Variants in UBA3 observed in about 807,000 individuals in gnomAD.
The protein encoded by UBA3 is NEDD8-activating enzyme E1 catalytic subunit.
UBA3 carries 26 observed loss-of-function variants against 73.5 expected under a neutral mutation model. That is an observed-to-expected ratio of 0.35 (90% CI 0.26 to 0.49). The LOEUF is 0.49. Among genes scored for constraint, UBA3 ranks in the 20% least tolerant of loss-of-function variants. The pLI is 0.98. For synonymous variants in UBA3, 217 were observed against 191.2 expected (o/e 1.13, Z -1.11); for missense variants, 495 against 555.6 (o/e 0.89, Z 1.10).
rs2092201432 is a variant in UBA3 at position 69,079,736 on chromosome 3, A to C, written c.62+376T>G. Reference sequence around the variant, plus strand: ...TCTCAGTGTTTGCAAAAGGCCACAAAACGGTCTTGTGTCCTTTTCCTGTGT... The same window carrying C: ...TCTCAGTGTTTGCAAAAGGCCACAACACGGTCTTGTGTCCTTTTCCTGTGT... On this transcript the variant is annotated intron_variant, in intron 2 of 17. Coordinates refer to ENST00000361055, the MANE Select transcript of UBA3 (RefSeq NM_003968.4). 1.6e-5 allele frequency: 4 copies of C among 253,188 alleles called. No individual in the cohort carries two copies. In the South Asian group the frequency reaches 3.1e-4, roughly 19 times the overall value. 15.7% of individuals were successfully genotyped at this position (253,188 alleles called of 1,614,324 possible). A position where few individuals can be genotyped will look rare whatever the true frequency, so the allele number is the denominator to read the frequency against.
intron 4 of UBA3, among the ~76,000 whole-genome samples, chr3:69,073,046 G>C (rs2092134777): frequency 6.6e-6 from 1 of 152,104 alleles, no homozygotes; most frequent in Non-Finnish European, 1.5e-5. Flanking sequence ...AATCTAATTA[G>C]TCTCTCTGTT....
chr3:69,078,027 A>G (rs946043008), intron 2 of UBA3, 109 bp from the exon 3 acceptor site: 3 of 1,322,048 alleles, frequency 2.3e-6, no homozygotes, highest in Non-Finnish European at 3.0e-6. Context: ...GACCTGCTCA[A>G]ATAAAAAGGA....
chr3:69,078,193 T>C (rs1406544223), intron 2 of UBA3, among the ~76,000 whole-genome samples: 2 of 152,208 alleles, frequency 1.3e-5, no homozygotes, highest in South Asian at 2.1e-4. Flanking sequence ...CAATCCAAGG[T>C]TCAACTTAGG....
Position 69,063,518 on chromosome 3 carries a change from A to C in UBA3, c.473-15T>G, listed in dbSNP as rs967766851. The stretch of plus-strand genomic sequence containing the variant: ...AATATGAAATTCTACAAAAAAAAAA[A>C]AAAGCAACTTTAGTTTTTAAATATG... On this transcript the variant is annotated splice_polypyrimidine_tract_variant and intron_variant, in intron 7 of 17. Transcript: ENST00000361055. 1.3e-6 allele frequency: 2 copies of C among 1,561,612 alleles called. No homozygotes were observed. Among genetic ancestry groups the C allele is most frequent in the Non-Finnish European group, 1.7e-6 (2 of 1,164,158 alleles).
rs1012999095 is a variant in UBA3, at chr3:69,063,655, G to C, written c.473-152C>G. 6.3e-6 allele frequency: 4 copies of C among 639,830 alleles called. No homozygotes were observed. In the African/African-American group the frequency reaches 7.7e-5, roughly 12 times the overall value. The allele number at this position is 639,830 out of a possible 1,614,324, so 39.6% of individuals were successfully genotyped here. Reference sequence around the variant, plus strand: ...TGTTTGTGGGAACAGGAAGCTCTATGAGAACCCAAGTTTTCAAAAATTTTC... The same window carrying C: ...TGTTTGTGGGAACAGGAAGCTCTATCAGAACCCAAGTTTTCAAAAATTTTC... On this transcript the variant is annotated intron_variant, in intron 7 of 17. Coordinates refer to ENST00000361055, the MANE Select transcript of UBA3 (RefSeq NM_003968.4).
In UBA3 at chr3:69,062,186, C is replaced by T. The variant is rs751095069; in HGVS notation, c.694-7G>A. 2.5e-6 allele frequency: 4 copies of T among 1,576,320 alleles called. No homozygotes were observed. The highest frequency in any genetic ancestry group is 3.5e-6 in the Non-Finnish European group (4 of 1,147,580). ...TGCACATGGGAAAATTAACCTAAAA[C>T]CACAGTTTGTCCTTTTCAGTGAATT... On this transcript the variant is annotated splice_polypyrimidine_tract_variant and splice_region_variant and intron_variant, in intron 9 of 17. Coordinates refer to ENST00000361055, the MANE Select transcript of UBA3 (RefSeq NM_003968.4).
intron 17 of UBA3, 90 bp from the exon 18 acceptor site, chr3:69,055,615 C>G: frequency 9.9e-7 from 1 of 1,011,006 alleles, no homozygotes; most frequent in South Asian, 1.5e-5. Flanking sequence ...GTATTACGGT[C>G]TAGAAAAACA....
Position 69,055,289 on chromosome 3 carries a change from G to T in UBA3, c.*148C>A, listed in dbSNP as rs944437265. 4 of 471,028 alleles carry T rather than the reference G, an allele frequency of 8.5e-6. No individual in the cohort carries two copies. Among genetic ancestry groups the T allele is most frequent in the African/African-American group, 6.1e-5 (3 of 48,998 alleles). The allele number at this position is 471,028 out of a possible 1,614,324, so 29.2% of individuals were successfully genotyped here. On this transcript the variant is annotated 3_prime_UTR_variant, in exon 18 of 18. Transcript: ENST00000361055. ...CAACACCAAAATTCTGTCTTCAAGGGAAGGTTACAAAGTTAAAAAAGAGTG... is the reference window on the plus strand; with the variant it reads ...CAACACCAAAATTCTGTCTTCAAGGTAAGGTTACAAAGTTAAAAAAGAGTG...
At chr3:69,067,015 A>G (rs2107491666) in intron 6 of UBA3, among the ~76,000 whole-genome samples, 1 of 152,342 alleles carries the variant, frequency 6.6e-6, no homozygotes, top group East Asian at 1.9e-4. Flanking sequence ...GAATTTGGAT[A>G]GTGATTCCTC....
chr3:69,076,115 A>T (rs904026996), intron 3 of UBA3, among the ~76,000 whole-genome samples: 2 of 152,182 alleles, frequency 1.3e-5, no homozygotes, highest in Non-Finnish European at 2.9e-5. Flanking sequence ...TTGTTTTTTA[A>T]TTTTTGCAAA....
At chr3:69,063,356 A>G (rs2092039570) in intron 8 of UBA3, 83 bp downstream of exon 8, 3 of 1,432,632 alleles carry the variant, frequency 2.1e-6, no homozygotes, top group Non-Finnish European at 2.9e-6. Flanking sequence ...CTGATTTTTC[A>G]AAAATATATC....
chr3:69,056,082 G>A lies in UBA3; in HGVS notation c.1185-19C>T, dbSNP rs1462050287. 2 of 1,583,702 alleles carry A rather than the reference G, an allele frequency of 1.3e-6. No individual in the cohort carries two copies. Among genetic ancestry groups the A allele is most frequent in the African/African-American group, 2.7e-5 (2 of 72,882 alleles). ...CATTTGCCTAAAGATTATGATGAGA[G>A]AGAAGTATCAAACATAATTTTTATC... On this transcript the variant is annotated intron_variant, in intron 15 of 17. Transcript: ENST00000361055.
chr3:69,060,888 A>G (rs1258273026), intron 11 of UBA3, among the ~76,000 whole-genome samples: 2 of 152,146 alleles, frequency 1.3e-5, no homozygotes, highest in East Asian at 3.9e-4. Context: ...CATCCCCCTT[A>G]GCTTTCACGA....
chr3:69,056,296 T>G lies in UBA3; in HGVS notation c.1084-13A>C. 1 of 1,557,074 alleles carries G rather than the reference T, an allele frequency of 6.4e-7. No individual in the cohort carries two copies. Among genetic ancestry groups the G allele is most frequent in the South Asian group, 1.2e-5 (1 of 82,034 alleles). ...CTGGGCAGTTTTCCTACACACATAA[T>G]ACACAACAAATTACAGCAGCACATG... On this transcript the variant is annotated splice_polypyrimidine_tract_variant and intron_variant, in intron 14 of 17. Transcript: ENST00000361055.
intron 5 of UBA3, among the ~76,000 whole-genome samples, chr3:69,070,436 C>G (rs2092111891): frequency 1.3e-5 from 2 of 152,026 alleles, no homozygotes; most frequent in African/African-American, 4.8e-5. Flanking sequence ...TCAACTTTAT[C>G]CTATATACCC....
chr3:69,055,781 G>T, intron 17 of UBA3, 70 bp downstream of exon 17: 1 of 1,436,136 alleles, frequency 7.0e-7, no homozygotes, highest in Non-Finnish European at 9.6e-7. Flanking sequence ...TCTAGAACAA[G>T]CACTGATTAC....
At position 69,056,074 on chromosome 3, in the gene UBA3, T is replaced by A; in HGVS notation, c.1185-11A>T. 1.3e-6 allele frequency: 2 copies of A among 1,592,340 alleles called. No homozygotes were observed. The highest frequency in any genetic ancestry group is 1.7e-6 in the Non-Finnish European group (2 of 1,173,774). ...GGAGATTTCATTTGCCTAAAGATTA[T>A]GATGAGAGAGAAGTATCAAACATAA... On this transcript the variant is annotated splice_polypyrimidine_tract_variant and intron_variant, in intron 15 of 17. Transcript: ENST00000361055.
In UBA3 at chr3:69,062,045, G is replaced by T. The variant is rs751187156; in HGVS notation, c.796+32C>A. The stretch of plus-strand genomic sequence containing the variant: ...AATATAGAAAAAATATGTATTTTAT[G>T]TAATTCTAGATTATTAAATTAGGTT... On this transcript the variant is annotated intron_variant, in intron 10 of 17. Coordinates refer to ENST00000361055, the MANE Select transcript of UBA3 (RefSeq NM_003968.4). 2.7e-6 allele frequency: 4 copies of T among 1,483,264 alleles called. No individual in the cohort carries two copies. In the South Asian group the frequency reaches 3.7e-5, roughly 14 times the overall value. The allele number at this position is 1,483,264 out of a possible 1,614,324, so 91.9% of individuals were successfully genotyped here.
chr3:69,069,127 A>G (rs899796705), intron 5 of UBA3, among the ~76,000 whole-genome samples: 2 of 152,090 alleles, frequency 1.3e-5, no homozygotes, highest in Admixed American at 6.5e-5. Flanking sequence ...TTTTCGTAAC[A>G]TATTTGCTAC....
Sources: gnomAD v4.1 joint callset for allele counts (sites outside exome capture counted in the v4.1 genomes callset) on GRCh38, gnomAD v4.1.1 for gene constraint, MANE v1.5 for transcripts, NCBI Gene and HGNC (gene_info 2026-07-23, HGNC 2026-07-21) for gene names.